Variants in RASA1 observed in about 807,000 individuals in gnomAD.
The protein encoded by RASA1 is ras GTPase-activating protein 1.
Under a neutral mutation model 132.2 loss-of-function variants are expected in RASA1, and 25 were observed. That is an observed-to-expected ratio of 0.19 (90% CI 0.14 to 0.26). The LOEUF (loss-of-function observed/expected upper bound fraction) is 0.26, where lower values mean the gene tolerates loss of function less well. RASA1 is among the 10% of genes least tolerant of loss of function. The pLI is 1.00. For missense variants in RASA1, 964 were observed against 1,299.2 expected (o/e 0.74, Z 3.97); for synonymous variants, 477 against 449.9 (o/e 1.06, Z -0.76).
At chr5:87,359,012 T>C (rs1489899032) in intron 9 of RASA1, among the ~76,000 whole-genome samples, 1 of 152,206 alleles carries the variant, frequency 6.6e-6, no homozygotes, top group Non-Finnish European at 1.5e-5. Flanking sequence ...AGCACTTACC[T>C]TCTAACATGT....
At chr5:87,276,158 G>A (rs1394575393) in intron 1 of RASA1, among the ~76,000 whole-genome samples, 1 of 152,030 alleles carries the variant, frequency 6.6e-6, no homozygotes, top group East Asian at 1.9e-4. Flanking sequence ...GACAGGCTGG[G>A]AGATAGGACA....
At chr5:87,323,066 A>G (rs1756944387) in intron 1 of RASA1, among the ~76,000 whole-genome samples, 1 of 152,150 alleles carries the variant, frequency 6.6e-6, no homozygotes. Context: ...AAATTTGGGG[A>G]TTGCTCTCAT....
intron 11 of RASA1, among the ~76,000 whole-genome samples, chr5:87,368,930 G>T (rs1478403487): frequency 1.3e-5 from 2 of 152,134 alleles, no homozygotes; most frequent in Non-Finnish European, 2.9e-5. Context: ...CAACTAGGGT[G>T]GTTAGTCTGA....
intron 1 of RASA1, among the ~76,000 whole-genome samples, chr5:87,330,163 G>A (rs961100964): frequency 6.6e-6 from 1 of 152,064 alleles, no homozygotes; most frequent in African/African-American, 2.4e-5. Context: ...CTTGGTTTTA[G>A]AAGAAAACTA....
chr5:87,331,144 G>C, intron 1 of RASA1: 1 of 877,410 alleles, frequency 1.1e-6, no homozygotes, highest in Non-Finnish European at 1.8e-6. Flanking sequence ...TGAGCTTTTA[G>C]AACAAATTAA....
chr5:87,383,620 T>A (rs1761875965), intron 20 of RASA1, 93 bp from the exon 21 acceptor site: 1 of 918,882 alleles, frequency 1.1e-6, no homozygotes, highest in African/African-American at 1.7e-5. Flanking sequence ...GTTCTATGAG[T>A]ACTAAAAATT....
Position 87,268,239 on chromosome 5 carries a change from C to T in RASA1, c.-213C>T. 2 of 672,652 alleles carry T rather than the reference C, an allele frequency of 3.0e-6. No individual in the cohort carries two copies. Among genetic ancestry groups the T allele is most frequent in the Non-Finnish European group, 4.8e-6 (2 of 414,706 alleles). The allele number at this position is 672,652 out of a possible 1,614,324, so 41.7% of individuals were successfully genotyped here. A position where few individuals can be genotyped will look rare whatever the true frequency, so the allele number is the denominator to read the frequency against. On this transcript the variant is annotated 5_prime_UTR_variant, in exon 1 of 25. Coordinates refer to ENST00000274376, the MANE Select transcript of RASA1 (RefSeq NM_002890.3). ...GTTTGTGCAGGCGTTGGGTTTTTTG[C>T]CCACTTGGCTTCCCGTAACCCAGGC...
intron 9 of RASA1, among the ~76,000 whole-genome samples, chr5:87,357,281 G>T (rs924369216): frequency 3.5e-4 from 53 of 151,994 alleles, no homozygotes; most frequent in African/African-American, 1.3e-3. Flanking sequence ...AATAACATGG[G>T]TGAGTGCTTT....
At chr5:87,307,868 G>A (rs1447448394) in intron 1 of RASA1, among the ~76,000 whole-genome samples, 2 of 152,052 alleles carry the variant, frequency 1.3e-5, no homozygotes, top group Admixed American at 1.3e-4. Context: ...CATTGTGTTT[G>A]ACAATTTTAT....
intron 1 of RASA1, among the ~76,000 whole-genome samples, chr5:87,270,032 A>G (rs1005222057): frequency 3.9e-5 from 6 of 152,078 alleles, no homozygotes; most frequent in African/African-American, 1.2e-4. Context: ...ACCTGAGGTC[A>G]GGAGTTCGAG....
chr5:87,306,653 T>G (rs1013860146), intron 1 of RASA1, among the ~76,000 whole-genome samples: 1 of 152,164 alleles, frequency 6.6e-6, no homozygotes, highest in African/African-American at 2.4e-5. Context: ...GTTTTTAGCA[T>G]TTTTACTATG....
chr5:87,286,062 G>A (rs181215538), intron 1 of RASA1, among the ~76,000 whole-genome samples: 1 of 151,800 alleles, frequency 6.6e-6, no homozygotes, highest in Non-Finnish European at 1.5e-5. Flanking sequence ...GAGTGCAGTG[G>A]CATGATCTTG....
At chr5:87,362,272 C>T (rs1760162706) in intron 9 of RASA1, among the ~76,000 whole-genome samples, 1 of 152,064 alleles carries the variant, frequency 6.6e-6, no homozygotes, top group South Asian at 2.1e-4. Flanking sequence ...TGACTGTATT[C>T]GAAAATAGCT....
intron 1 of RASA1, chr5:87,318,655 C>T (rs1756529357): frequency 6.6e-6 from 1 of 152,170 alleles, no homozygotes; most frequent in Non-Finnish European, 1.5e-5. Flanking sequence ...TCCCATGATC[C>T]AATCACCTCC....
chr5:87,362,787 CTTG>C, intron 10 of RASA1, 116 bp downstream of exon 10: 1 of 1,208,856 alleles, frequency 8.3e-7, no homozygotes, highest in South Asian at 1.3e-5. Flanking sequence ...GTAATTGACA[CTTG>C]TTTAGAGCCC....
chr5:87,342,533 T>C (rs545452238), intron 6 of RASA1, among the ~76,000 whole-genome samples: 1 of 152,304 alleles, frequency 6.6e-6, no homozygotes, highest in East Asian at 1.9e-4. Context: ...GTCAAGTATA[T>C]ATATTCCCAG....
chr5:87,327,531 T>C (rs1036106916), intron 1 of RASA1, among the ~76,000 whole-genome samples: 126 of 152,268 alleles, frequency 8.3e-4, no homozygotes, highest in African/African-American at 3.0e-3. Context: ...TGCCATAGAT[T>C]GGAGGTTTCT....
intron 1 of RASA1, among the ~76,000 whole-genome samples, chr5:87,271,587 A>C (rs1753843686): frequency 6.8e-6 from 1 of 147,358 alleles, no homozygotes; most frequent in Non-Finnish European, 1.5e-5. Flanking sequence ...GGTTCAAGCG[A>C]TTCTCCTGCC....
intron 8 of RASA1, among the ~76,000 whole-genome samples, chr5:87,352,601 C>G (rs1005145979): frequency 5.9e-5 from 9 of 151,510 alleles, no homozygotes; most frequent in Non-Finnish European, 1.2e-4. Context: ...CACTTTTAAT[C>G]AAAATAATAA....
Sources: gnomAD v4.1 joint callset for allele counts (sites outside exome capture counted in the v4.1 genomes callset) on GRCh38, gnomAD v4.1.1 for gene constraint, MANE v1.5 for transcripts, NCBI Gene and HGNC (gene_info 2026-07-23, HGNC 2026-07-21) for gene names.